Variants in CES4A observed in about 807,000 individuals in gnomAD.
The protein encoded by CES4A is carboxylesterase 6.
Under a neutral mutation model 65.4 loss-of-function variants are expected in CES4A, and 48 were observed. The ratio of observed to expected loss-of-function variants is 0.73; its 90% CI spans 0.58 to 0.93. The LOEUF (loss-of-function observed/expected upper bound fraction) is 0.93. Ranked by LOEUF, CES4A falls within the 40% of genes least tolerant of loss-of-function variation. The probability of loss-of-function intolerance (pLI) is 0.00; values close to 1 mark genes in which losing one functional copy is unlikely to be tolerated. For synonymous variants in CES4A, 247 were observed against 281.8 expected, an observed-to-expected ratio of 0.88 and a Z score of 1.24; for missense variants, 685 against 728.5, an observed-to-expected ratio of 0.94 and a Z score of 0.69.
At chr16:67,005,540 T>C (rs952422228) in intron 11 of CES4A, 147 bp downstream of exon 11, 25 of 753,316 alleles carry the variant, frequency 3.3e-5, no homozygotes, top group Non-Finnish European at 5.2e-5. Context: ...GGAGGCAGCA[T>C]GCTATCAACT....
chr16:67,009,051 CAAG>C, exon 14 of CES4A: 1 of 1,614,198 alleles, frequency 6.2e-7, no homozygotes, highest in Non-Finnish European at 8.5e-7. Flanking sequence ...GATTTTACCA[CAAG>C]AGTGGGCATG....
chr16:67,000,478 G>A lies in CES4A; in HGVS notation c.261-160G>A, dbSNP rs545224793. On this transcript the variant is annotated intron_variant, in intron 2 of 13. Coordinates refer to ENST00000648724, the Ensembl canonical transcript of CES4A. This position sits in a 1 kb window ranked among gnomAD's most constrained non-coding sequence, Gnocchi z 4.2. ...CTGCCTCCCAGTCCTGGGCCCCGGG[G>A]CTGGCGGAGGCCTCCTGTACACGCA... is the stretch of plus-strand genomic sequence containing the variant. 1.1e-4 allele frequency: 158 copies of A among 1,423,248 alleles called. 3 individuals are homozygous for A. The South Asian group carries it at 2.3e-3, about 20-fold the overall frequency. The allele number at this position is 1,423,248 out of a possible 1,614,324, so 88.2% of individuals were successfully genotyped here. A position where few individuals can be genotyped will look rare whatever the true frequency, so the allele number is the denominator to read the frequency against.
In CES4A at chr16:67,000,764, G is replaced by T; in HGVS notation, c.387G>T (p.Gly129=). ...TGTACGCGCCGGCGCGCGCGCCCGG[G>T]GATCCCCAGCTGCCAGTGAGTGCCA... The change falls in exon 3 of 14, where the codon GGG becomes GGT. Residue 129 remains glycine, a synonymous_variant. Coordinates refer to ENST00000648724, the Ensembl canonical transcript of CES4A. The surrounding 1 kb of genome is among the most constrained non-coding windows in gnomAD (Gnocchi z 4.2). The T allele has an allele frequency of 6.5e-7, 1 of 1,549,296 alleles. No homozygotes were observed. The highest frequency in any genetic ancestry group is 8.7e-7 in the Non-Finnish European group (1 of 1,146,114).
Position 66,995,818 on chromosome 16 carries a change from C to CT in CES4A, c.250dup (p.Tyr84LeufsTer73). On this transcript the variant is annotated frameshift_variant, in exon 2 of 14. Transcript: ENST00000648724. LOFTEE classifies it high-confidence loss of function. ...GGAAAGGAATCAGAGATGCTACCAC[C>CT]TACCCGCCTGGGTAAGAGTCAGAGG... 1 of 1,613,648 alleles carries CT rather than the reference C, an allele frequency of 6.2e-7. No homozygotes were observed. Among genetic ancestry groups the CT allele is most frequent in the Non-Finnish European group, 8.5e-7 (1 of 1,179,986 alleles).
At chr16:66,992,157 TG>T (rs950191673) in intron 1 of CES4A, among the ~76,000 whole-genome samples, 14 of 152,196 alleles carry the variant, frequency 9.2e-5, no homozygotes, top group African/African-American at 2.4e-4. Context: ...GGCCCCCCTC[TG>T]GGTCTTTGGG....
rs1319160044 is a variant in CES4A at position 67,000,480 on chromosome 16, T to G, written c.261-158T>G. On this transcript the variant is annotated intron_variant, in intron 2 of 13. Transcript: ENST00000648724. This position sits in a 1 kb window ranked among gnomAD's most constrained non-coding sequence, Gnocchi z 4.2. Reference sequence around the variant, plus strand: ...GCCTCCCAGTCCTGGGCCCCGGGGCTGGCGGAGGCCTCCTGTACACGCACA... The same window carrying G: ...GCCTCCCAGTCCTGGGCCCCGGGGCGGGCGGAGGCCTCCTGTACACGCACA... 3 of 1,423,136 alleles carry G rather than the reference T, an allele frequency of 2.1e-6. No homozygotes were observed. Among genetic ancestry groups the G allele is most frequent in the East Asian group, 5.2e-5 (2 of 38,546 alleles). 88.2% of individuals were successfully genotyped at this position (1,423,136 alleles called of 1,614,324 possible).
Position 67,004,016 on chromosome 16 carries a change from A to G in CES4A, c.940-68A>G, listed in dbSNP as rs1965552026. ...AGGCTAGAGCAGCCTCTGAAGGGGC[A>G]CCCAAGGTTGCAGGGACCCTGGGAG... On this transcript the variant is annotated intron_variant, in intron 8 of 13. Coordinates refer to ENST00000648724, the Ensembl canonical transcript of CES4A. The G allele has an allele frequency of 1.7e-5, 27 of 1,551,920 alleles. No homozygotes were observed. In the South Asian group the frequency reaches 2.8e-4, roughly 16 times the overall value.
chr16:66,998,446 C>T (rs908201112), intron 2 of CES4A, among the ~76,000 whole-genome samples: 14 of 151,912 alleles, frequency 9.2e-5, no homozygotes, highest in Non-Finnish European at 1.5e-4. Flanking sequence ...AAAAATTATC[C>T]GGTGTGATGG....
intron 11 of CES4A, 88 bp from the exon 12 acceptor site, chr16:67,006,303 T>C: frequency 3.5e-6 from 5 of 1,412,088 alleles, no homozygotes; most frequent in Non-Finnish European, 4.8e-6. Context: ...TTTTTCCTGC[T>C]TGGTGCAGGT....
chr16:67,002,388 G>A (rs927949710), intron 5 of CES4A, among the ~76,000 whole-genome samples: 2 of 152,136 alleles, frequency 1.3e-5, no homozygotes, highest in Admixed American at 6.5e-5. Context: ...GCAGAGACTC[G>A]GAGAGCTACT....
chr16:67,005,443 G>A (rs769982002), intron 11 of CES4A, 50 bp downstream of exon 11: 1 of 1,581,232 alleles, frequency 6.3e-7, no homozygotes, highest in South Asian at 1.1e-5. Context: ...CACTCTCCAG[G>A]TGTGCTGTTT....
chr16:67,005,708 C>T (rs548094866), intron 11 of CES4A: 3 of 270,640 alleles, frequency 1.1e-5, no homozygotes, highest in African/African-American at 6.8e-5. Flanking sequence ...AATTAGCCAG[C>T]TGTAGTGGCG....
chr16:67,000,727 T>C lies in CES4A; in HGVS notation c.350T>C (p.Leu117Pro). 6.5e-7 allele frequency: 1 copy of C among 1,550,350 alleles called. No homozygotes were observed. Among genetic ancestry groups the C allele is most frequent in the South Asian group, 1.2e-5 (1 of 84,074 alleles). Reference sequence around the variant, plus strand: ...TGGCTGCGCTTCAGCGAGGACTGTCTGTACCTGAACGTGTACGCGCCGGCG... The same window carrying C: ...TGGCTGCGCTTCAGCGAGGACTGTCCGTACCTGAACGTGTACGCGCCGGCG... Residue 117 changes from leucine (L) to proline (P), a missense_variant, in exon 3 of 14, where the codon CTG (leucine) becomes CCG (proline). Physicochemically the swap from Leu to Pro is moderately conservative, Grantham distance 98. Transcript: ENST00000648724. The surrounding 1 kb of genome is among the most constrained non-coding windows in gnomAD (Gnocchi z 4.2).
At position 67,001,082 on chromosome 16, in the gene CES4A, G is replaced by T. The variant is rs1417474230; in HGVS notation, c.536+92G>T. 6 of 1,069,770 alleles carry T rather than the reference G, an allele frequency of 5.6e-6. No homozygotes were observed. Among genetic ancestry groups the T allele is most frequent in the Admixed American group, 3.0e-5 (1 of 33,458 alleles). 66.3% of individuals were successfully genotyped at this position (1,069,770 alleles called of 1,614,324 possible). A position where few individuals can be genotyped will look rare whatever the true frequency, so the allele number is the denominator to read the frequency against. On this transcript the variant is annotated intron_variant, in intron 4 of 13. Transcript: ENST00000648724. This position sits in a 1 kb window ranked among gnomAD's most constrained non-coding sequence, Gnocchi z 4.1. ...AGGGGCGGGGCCTGGGGCGGGGATG[G>T]GGGGGGTGGGGCCGCGAGGCGGGGG...
At position 67,000,515 on chromosome 16, in the gene CES4A, A is replaced by C. The variant is rs1196403657; in HGVS notation, c.261-123A>C. 4 of 1,449,238 alleles carry C rather than the reference A, an allele frequency of 2.8e-6. No individual in the cohort carries two copies. Among genetic ancestry groups the C allele is most frequent in the Non-Finnish European group, 2.7e-6 (3 of 1,099,450 alleles). 89.8% of individuals were successfully genotyped at this position (1,449,238 alleles called of 1,614,324 possible). A position where few individuals can be genotyped will look rare whatever the true frequency, so the allele number is the denominator to read the frequency against. ...CTCCTGTACACGCACACGCACGCACATGCGCACGCACACGCACGCGCACAG... is the reference window on the plus strand; with the variant it reads ...CTCCTGTACACGCACACGCACGCACCTGCGCACGCACACGCACGCGCACAG... On this transcript the variant is annotated intron_variant, in intron 2 of 13. Transcript: ENST00000648724. This position sits in a 1 kb window ranked among gnomAD's most constrained non-coding sequence, Gnocchi z 4.2.
At chr16:66,994,031 G>A (rs1220303139) in intron 1 of CES4A, among the ~76,000 whole-genome samples, 2 of 151,484 alleles carry the variant, frequency 1.3e-5, no homozygotes, top group African/African-American at 4.8e-5. Context: ...AACCTGGGAG[G>A]TGGGGCTTGC....
intron 1 of CES4A, among the ~76,000 whole-genome samples, chr16:66,991,840 C>T (rs1964417721): frequency 6.6e-6 from 1 of 152,046 alleles, no homozygotes; most frequent in Admixed American, 6.6e-5. Flanking sequence ...CGTGGTGGCT[C>T]ATGCATGCCT....
In CES4A at chr16:67,001,452, C is replaced by T. The variant is rs1439747111; in HGVS notation, c.681C>T (p.Ile227=). ...GCCAGTCGGCGGGGGCCATGAGCAT[C>T]TCAGGACTGGTGAGAGCAATGCCCA... The change falls in exon 5 of 14, where the codon ATC becomes ATT. Residue 227 remains isoleucine (I), a synonymous_variant. Coordinates refer to ENST00000648724, the Ensembl canonical transcript of CES4A. This position sits in a 1 kb window ranked among gnomAD's most constrained non-coding sequence, Gnocchi z 4.1. The T allele has an allele frequency of 6.2e-7, 1 of 1,606,606 alleles. No homozygotes were observed. Among genetic ancestry groups the T allele is most frequent in the Non-Finnish European group, 8.5e-7 (1 of 1,176,356 alleles).
rs1023618132 is a variant in CES4A at position 67,005,468 on chromosome 16, T to C, written c.1315+75T>C. Reference sequence around the variant, plus strand: ...GTGTGCTGTTTACCAACTGGGCTTATCGACTGCTCCCCTACCCTCTCTGTA... The same window carrying C: ...GTGTGCTGTTTACCAACTGGGCTTACCGACTGCTCCCCTACCCTCTCTGTA... On this transcript the variant is annotated intron_variant, in intron 11 of 13. Transcript: ENST00000648724. 6 of 1,421,842 alleles carry C rather than the reference T, an allele frequency of 4.2e-6. No individual in the cohort carries two copies. The African/African-American group carries it at 5.7e-5, about 13-fold the overall frequency. 88.1% of individuals were successfully genotyped at this position (1,421,842 alleles called of 1,614,324 possible).
Sources: gnomAD v4.1 joint callset for allele counts (sites outside exome capture counted in the v4.1 genomes callset) on GRCh38, gnomAD v4.1.1 for gene constraint, Gnocchi (gnomAD v3.1) non-coding constraint, MANE v1.5 for transcripts, NCBI Gene and HGNC (gene_info 2026-07-23, HGNC 2026-07-21) for gene names.